CYP2J2: variants seen among roughly 807,000 people sequenced by gnomAD.
The protein encoded by CYP2J2 is cytochrome P450 family 2 subfamily J member 2, also known as cytochrome P450 2J2.
Under a neutral mutation model 48.8 loss-of-function variants are expected in CYP2J2, and 41 were observed. That is an observed-to-expected ratio of 0.84 (90% CI 0.66 to 1.09). The LOEUF (loss-of-function observed/expected upper bound fraction) is 1.09. Among genes scored for constraint, CYP2J2 ranks in the 50% least tolerant of loss-of-function variants. CYP2J2 has a pLI of 0.00. For synonymous variants in CYP2J2, 221 were observed against 227.1 expected (o/e 0.97, Z 0.24); for missense variants, 644 against 617.3 (o/e 1.04, Z -0.46).
chr1:59,953,643 T>A, the CYP2J2 span, among the ~76,000 whole-genome samples: 1 of 151,862 alleles, frequency 6.6e-6, no homozygotes, highest in Non-Finnish European at 1.5e-5. Flanking sequence ...GGAAGTGGCA[T>A]TTGAATGGAG....
chr1:59,956,785 T>C, the CYP2J2 span, among the ~76,000 whole-genome samples: 2 of 152,180 alleles, frequency 1.3e-5, no homozygotes, highest in African/African-American at 4.8e-5. Context: ...CATTGAGTGG[T>C]GGAATTTCTA....
the CYP2J2 span, among the ~76,000 whole-genome samples, chr1:59,957,261 G>C: frequency 1.3e-5 from 2 of 151,480 alleles, no homozygotes; most frequent in Non-Finnish European, 2.9e-5. Context: ...CTGCAGAAGG[G>C]AAATGGCAGC....
the CYP2J2 span, among the ~76,000 whole-genome samples, chr1:59,949,458 G>A: frequency 6.6e-6 from 1 of 151,920 alleles, no homozygotes; most frequent in Admixed American, 6.6e-5. Flanking sequence ...TGACTTATTT[G>A]TATCAATTTA....
At chr1:59,896,710 G>T (rs1435013611) in intron 8 of CYP2J2, among the ~76,000 whole-genome samples, 1 of 151,974 alleles carries the variant, frequency 6.6e-6, no homozygotes, top group Admixed American at 6.6e-5. Context: ...TCTCTATTGT[G>T]TGTATTTTTA....
intron 8 of CYP2J2, 111 bp from the exon 9 acceptor site, chr1:59,893,940 T>C (rs1644247116): frequency 3.9e-6 from 4 of 1,033,974 alleles, no homozygotes; most frequent in East Asian, 5.0e-5. Flanking sequence ...GAAGGGCCTG[T>C]AGGCCCCAGG....
chr1:59,935,029 T>TACACACAC, the CYP2J2 span, among the ~76,000 whole-genome samples: 4 of 100,908 alleles, frequency 4.0e-5, no homozygotes, highest in East Asian at 1.0e-3. Flanking sequence ...TATATATATA[T>TACACACAC]ATATATATAT....
chr1:59,942,014 A>G, the CYP2J2 span, among the ~76,000 whole-genome samples: 2 of 152,180 alleles, frequency 1.3e-5, no homozygotes, highest in Non-Finnish European at 2.9e-5. Context: ...CTCACCCAGA[A>G]CAACGTTCAG....
chr1:59,893,436 A>G lies in CYP2J2; in HGVS notation c.*215T>C, dbSNP rs1434586395. 2 of 458,198 alleles carry G rather than the reference A, an allele frequency of 4.4e-6. No individual in the cohort carries two copies. The highest frequency in any genetic ancestry group is 4.0e-5 in the African/African-American group (2 of 50,324). 28.4% of individuals were successfully genotyped at this position (458,198 alleles called of 1,614,324 possible). Reference sequence around the variant, plus strand: ...TCCTCTTTTCATCTCCTAGATAAAAAGGTAAATTATTTAGCATATAAATGA... The same window carrying G: ...TCCTCTTTTCATCTCCTAGATAAAAGGGTAAATTATTTAGCATATAAATGA... On this transcript the variant is annotated 3_prime_UTR_variant, in exon 9 of 9. Transcript: ENST00000371204.
the CYP2J2 span, among the ~76,000 whole-genome samples, chr1:59,942,550 G>A: frequency 6.6e-6 from 1 of 152,012 alleles, no homozygotes; most frequent in Non-Finnish European, 1.5e-5. Flanking sequence ...TTTTAAGTTT[G>A]ATTAGAAGCC....
At chr1:59,929,477 A>G, upstream of CYP2J2, among the ~76,000 whole-genome samples, 1 of 152,228 alleles carries the variant, frequency 6.6e-6, no homozygotes, top group East Asian at 1.9e-4. Context: ...CAACTTAATT[A>G]TAAATATGTC....
intron 2 of CYP2J2, chr1:59,913,180 C>T (rs957903484): frequency 2.0e-5 from 3 of 152,128 alleles, no homozygotes; most frequent in East Asian, 1.9e-4. Context: ...TCCAGATTTT[C>T]GTCCTAATTC....
At position 59,909,935 on chromosome 1, in the gene CYP2J2, AT is replaced by A; in HGVS notation, c.709del (p.Met237Ter). 6.2e-7 allele frequency: 1 copy of A among 1,609,356 alleles called. No homozygotes were observed. Among genetic ancestry groups the A allele is most frequent in the Non-Finnish European group, 8.5e-7 (1 of 1,178,606 alleles). ...TTGGTGGGGTCCAGGCAGGAATTTC[AT>A]TATCCATGGAAAGACATTGTAGAGC... is the stretch of plus-strand genomic sequence containing the variant. The part of the protein sequence containing the change: ...CQLYNVFPWI[M>X]KFLPGPHQTL... On this transcript the variant is annotated frameshift_variant, in exon 5 of 9. Transcript: ENST00000371204. LOFTEE classifies it high-confidence loss of function.
chr1:59,963,756 T>G, the CYP2J2 span, among the ~76,000 whole-genome samples: 3 of 152,184 alleles, frequency 2.0e-5, no homozygotes, highest in East Asian at 3.9e-4. Context: ...TGGATATGTC[T>G]ATGAATAGCT....
chr1:59,957,003 C>T, the CYP2J2 span, among the ~76,000 whole-genome samples: 4 of 152,262 alleles, frequency 2.6e-5, no homozygotes, highest in South Asian at 2.1e-4. Flanking sequence ...GCATGGAGGG[C>T]GATGCTGGCC....
rs754936745 is a variant in CYP2J2 at position 59,893,813 on chromosome 1, G to C, written c.1347C>G (p.Leu449=). Residue 449 remains leucine, a synonymous_variant, in exon 9 of 9, where the codon CTC becomes CTG. Transcript: ENST00000371204. ...MPFSIGKRAC[L]GEQLARTELF... Reference sequence around the variant, plus strand: ...GCTCAGTCCTGGCCAACTGTTCTCCGAGGCATGCCCGCTTTCCTGTAAGAC... The same window carrying C: ...GCTCAGTCCTGGCCAACTGTTCTCCCAGGCATGCCCGCTTTCCTGTAAGAC... 2.5e-6 allele frequency: 4 copies of C among 1,605,974 alleles called. No individual in the cohort carries two copies. In the South Asian group the frequency reaches 3.4e-5, roughly 14 times the overall value.
rs1208612736 is a variant in CYP2J2, at chr1:59,907,937, A to G, written c.862-10T>C. On this transcript the variant is annotated splice_polypyrimidine_tract_variant and intron_variant, in intron 5 of 8. Transcript: ENST00000371204. ...TAGGATTGCCTGTGTGCTAGAAAAC[A>G]CAATGTTTGATGTTATTTATTGGTT... The G allele has an allele frequency of 6.2e-7, 1 of 1,613,658 alleles. No individual in the cohort carries two copies. Among genetic ancestry groups the G allele is most frequent in the Admixed American group, 1.7e-5 (1 of 59,998 alleles).
chr1:59,917,765 CA>C (rs1232484646), intron 1 of CYP2J2, among the ~76,000 whole-genome samples: 1 of 152,198 alleles, frequency 6.6e-6, no homozygotes, highest in African/African-American at 2.4e-5. Flanking sequence ...CAGAGGGTCC[CA>C]GGTAGACCCT....
chr1:59,959,621 GATAT>G, the CYP2J2 span, among the ~76,000 whole-genome samples: 1 of 151,636 alleles, frequency 6.6e-6, no homozygotes, highest in East Asian at 1.9e-4. Context: ...GTATATATGT[GATAT>G]ATATGTGTGT....
At chr1:59,948,013 T>C in the CYP2J2 span, among the ~76,000 whole-genome samples, 11 of 152,288 alleles carry the variant, frequency 7.2e-5, no homozygotes, top group African/African-American at 2.6e-4. Flanking sequence ...ACCCCTAAGA[T>C]TAGGTGGATT....
Sources: gnomAD v4.1 joint callset for allele counts (sites outside exome capture counted in the v4.1 genomes callset) on GRCh38, gnomAD v4.1.1 for gene constraint, MANE v1.5 for transcripts, NCBI Gene and HGNC (gene_info 2026-07-23, HGNC 2026-07-21) for gene names.